OR8K5: variants seen among roughly 807,000 people sequenced by gnomAD.
OR8K5 encodes the protein olfactory receptor 8K5.
For missense variants in OR8K5, 433 were observed against 363.9 expected (o/e 1.19, Z -1.54); for synonymous variants, 154 against 133.7 (o/e 1.15, Z -1.05).
At position 56,159,523 on chromosome 11, in the gene OR8K5, A is replaced by G. The variant is rs61746296; in HGVS notation, c.795T>C (p.Thr265=). 2,091 of 1,613,948 alleles carry G rather than the reference A, an allele frequency of 1.3e-3. 19 individuals carry two copies. The African/African-American group carries it at 0.024, about 19-fold the overall frequency. The change falls in exon 1 of 1, where the codon ACT becomes ACC. Residue 265 remains threonine, a synonymous_variant. Coordinates refer to ENST00000313447, the MANE Select transcript of OR8K5 (RefSeq NM_001004058.2). ...LLFMYMQPNS[T]HFFDTDKMAS... Reference sequence around the variant, plus strand: ...CCATTTTATCAGTATCAAAGAAGTGAGTGGAATTGGGCTGCATGTACATGA... The same window carrying G: ...CCATTTTATCAGTATCAAAGAAGTGGGTGGAATTGGGCTGCATGTACATGA...
rs1854534004 is a variant in OR8K5 at position 56,159,609 on chromosome 11, C to A, written c.709G>T (p.Ala237Ser). Residue 237 changes from alanine (A) to serine (S), a missense_variant, in exon 1 of 1, where the codon GCT (alanine) becomes TCT (serine). Physicochemically the swap from Ala to Ser is moderately conservative, Grantham distance 99. Coordinates refer to ENST00000313447, the MANE Select transcript of OR8K5 (RefSeq NM_001004058.2). ...QMHSAEGRKK[A>S]FSTCGSHLTV... ...AAATGGGAACCACATGTGGAGAAAG[C>A]CTTTTTCCTGCCCTCTGCAGAATGC... 4 of 1,613,958 alleles carry A rather than the reference C, an allele frequency of 2.5e-6. No homozygotes were observed. Among genetic ancestry groups the A allele is most frequent in the South Asian group, 2.2e-5 (2 of 91,082 alleles).
chr11:56,160,156 G>A lies in OR8K5; in HGVS notation c.162C>T (p.His54=), dbSNP rs750129681. ...TMIILTKLDS[H]LHTPMYFSIR... ...TAGAAAAGTACATAGGTGTATGTAA[G>A]TGGGAGTCCAGTTTGGTCAAAATGA... is the stretch of plus-strand genomic sequence containing the variant. The change falls in exon 1 of 1, where the codon CAC becomes CAT. Residue 54 remains histidine (H), a synonymous_variant. Transcript: ENST00000313447. The A allele has an allele frequency of 6.2e-7, 1 of 1,614,148 alleles. No individual in the cohort carries two copies. Among genetic ancestry groups the A allele is most frequent in the South Asian group, 1.1e-5 (1 of 91,084 alleles).
chr11:56,159,520 G>A lies in OR8K5; in HGVS notation c.798C>T (p.His266=). The A allele has an allele frequency of 1.2e-6, 2 of 1,613,932 alleles. No homozygotes were observed. The highest frequency in any genetic ancestry group is 8.5e-7 in the Non-Finnish European group (1 of 1,179,844). ...AAGCCATTTTATCAGTATCAAAGAA[G>A]TGAGTGGAATTGGGCTGCATGTACA... The part of the protein sequence containing the change: ...LFMYMQPNST[H]FFDTDKMASV... The change falls in exon 1 of 1, where the codon CAC becomes CAT. Residue 266 remains histidine (H), a synonymous_variant. Coordinates refer to ENST00000313447, the MANE Select transcript of OR8K5 (RefSeq NM_001004058.2).
At position 56,159,594 on chromosome 11, in the gene OR8K5, C is replaced by T. The variant is rs1469782404; in HGVS notation, c.724G>A (p.Gly242Ser). Residue 242 changes from glycine (G) to serine (S), a missense_variant, in exon 1 of 1, where the codon GGT (glycine) becomes AGT (serine). Physicochemically the swap from Gly to Ser is moderately conservative, Grantham distance 56 (BLOSUM62 0). Transcript: ENST00000313447. ...EGRKKAFSTC[G>S]SHLTVVVVFY... is the part of the protein sequence containing the mutation. ...ACAACCACCACTGTCAAATGGGAAC[C>T]ACATGTGGAGAAAGCCTTTTTCCTG... 6.2e-7 allele frequency: 1 copy of T among 1,614,040 alleles called. No homozygotes were observed. Among genetic ancestry groups the T allele is most frequent in the East Asian group, 2.2e-5 (1 of 44,864 alleles).
Position 56,159,837 on chromosome 11 carries a change from T to C in OR8K5, c.481A>G (p.Ile161Val). Residue 161 changes from isoleucine to valine, a missense_variant, in exon 1 of 1, where the codon ATT (isoleucine) becomes GTT (valine). Transcript: ENST00000313447. ...CAGAAGGTCAATGTAAAAATCTTAA[T>C]AGTGAACATCAGAGCCTGAAATGTG... ...YSTFQALMFT[I>V]KIFTLTFCGS... The C allele has an allele frequency of 3.1e-6, 5 of 1,614,044 alleles. No homozygotes were observed. Among genetic ancestry groups the C allele is most frequent in the Non-Finnish European group, 4.2e-6 (5 of 1,179,938 alleles).
rs374291964 is a variant in OR8K5, at chr11:56,159,657, T to C, written c.661A>G (p.Ile221Val). The part of the protein sequence containing the change: ...FLIVLVSYML[I>V]LLAICQMHSA... Reference sequence around the variant, plus strand: ...TGCATTTGACATATAGCTAACAAAATCAACATGTAGGACACTAAGACTATC... The same window carrying C: ...TGCATTTGACATATAGCTAACAAAACCAACATGTAGGACACTAAGACTATC... The change falls in exon 1 of 1, where the codon ATT becomes GTT. Residue 221 changes from isoleucine to valine, a missense_variant. Ile to Val is a conservative substitution (Grantham distance 29). Coordinates refer to ENST00000313447, the MANE Select transcript of OR8K5 (RefSeq NM_001004058.2). The C allele has an allele frequency of 1.9e-6, 3 of 1,613,798 alleles. No individual in the cohort carries two copies. Among genetic ancestry groups the C allele is most frequent in the Non-Finnish European group, 1.7e-6 (2 of 1,179,810 alleles).
Position 56,160,294 on chromosome 11 carries a change from C to T in OR8K5, c.24G>A (p.Val8=), listed in dbSNP as rs1854543484. The T allele has an allele frequency of 6.2e-7, 1 of 1,613,578 alleles. No individual in the cohort carries two copies. Among genetic ancestry groups the T allele is most frequent in the Non-Finnish European group, 8.5e-7 (1 of 1,179,648 alleles). Residue 8 remains valine (V), a synonymous_variant, in exon 1 of 1, where the codon GTG becomes GTA. Transcript: ENST00000313447. MGQHNLT[V]LTEFILMELT... ...GTTCCATCAGAATGAATTCAGTTAG[C>T]ACTGTTAGATTGTGTTGGCCCATTT... is the stretch of plus-strand genomic sequence containing the variant.
rs114854915 is a variant in OR8K5, at chr11:56,160,171, G to T, written c.147C>A (p.Thr49=). 6.2e-7 allele frequency: 1 copy of T among 1,613,990 alleles called. No individual in the cohort carries two copies. Among genetic ancestry groups the T allele is most frequent in the Non-Finnish European group, 8.5e-7 (1 of 1,179,958 alleles). The change falls in exon 1 of 1, where the codon ACC becomes ACA. Residue 49 remains threonine, a synonymous_variant. Coordinates refer to ENST00000313447, the MANE Select transcript of OR8K5 (RefSeq NM_001004058.2). ...VVGNLTMIIL[T]KLDSHLHTPM... ...GTGTATGTAAGTGGGAGTCCAGTTT[G>T]GTCAAAATGATCATAGTTAGGTTGC...
Position 56,159,843 on chromosome 11 carries a change from A to G in OR8K5, c.475T>C (p.Phe159Leu), listed in dbSNP as rs1854537278. 6.2e-7 allele frequency: 1 copy of G among 1,614,052 alleles called. No individual in the cohort carries two copies. The highest frequency in any genetic ancestry group is 8.5e-7 in the Non-Finnish European group (1 of 1,179,918). ...GTCAATGTAAAAATCTTAATAGTGA[A>G]CATCAGAGCCTGAAATGTGCTGTAG... ...YLYSTFQALM[F>L]TIKIFTLTFC... The change falls in exon 1 of 1, where the codon TTC becomes CTC. Residue 159 changes from phenylalanine (F) to leucine (L), a missense_variant. By Grantham distance (22) the Phe-to-Leu change is conservative. Coordinates refer to ENST00000313447, the MANE Select transcript of OR8K5 (RefSeq NM_001004058.2).
In OR8K5 at chr11:56,160,198, C is replaced by T. The variant is rs1219210824; in HGVS notation, c.120G>A (p.Val40=). The change falls in exon 1 of 1, where the codon GTG becomes GTA. Residue 40 remains valine (V), a synonymous_variant. Coordinates refer to ENST00000313447, the MANE Select transcript of OR8K5 (RefSeq NM_001004058.2). The part of the protein sequence containing the change: ...VFLVIYLITV[V]GNLTMIILTK... ...TCAAAATGATCATAGTTAGGTTGCC[C>T]ACCACTGTGATTAGGTAGATGACGA... is the stretch of plus-strand genomic sequence containing the variant. 1.9e-6 allele frequency: 3 copies of T among 1,613,862 alleles called. No homozygotes were observed. Among genetic ancestry groups the T allele is most frequent in the East Asian group, 2.2e-5 (1 of 44,878 alleles).
Position 56,159,398 on chromosome 11 carries a change from T to G in OR8K5, c.920A>C (p.Asn307Thr). The change falls in exon 1 of 1, where the codon AAT becomes ACT. Residue 307 changes from asparagine (N) to threonine (T), a missense_variant. Asn to Thr is a moderately conservative substitution (Grantham distance 65, BLOSUM62 0). Transcript: ENST00000313447. ...VKNAFYKLFEN is the reference protein window; with the variant it reads ...VKNAFYKLFET ...TTATTAAACACAAAGTTGACATCAA[T>G]TCTCAAAGAGCTTATAGAAGGCATT... is the stretch of plus-strand genomic sequence containing the variant. 1 of 1,532,700 alleles carries G rather than the reference T, an allele frequency of 6.5e-7. No individual in the cohort carries two copies. Among genetic ancestry groups the G allele is most frequent in the Non-Finnish European group, 8.8e-7 (1 of 1,133,918 alleles). 94.9% of individuals were successfully genotyped at this position (1,532,700 alleles called of 1,614,324 possible). A position where few individuals can be genotyped will look rare whatever the true frequency, so the allele number is the denominator to read the frequency against.
In OR8K5 at chr11:56,160,094, G is replaced by T. The variant is rs773201735; in HGVS notation, c.224C>A (p.Thr75Asn). ...TGCCAGCACCTTGGGACAAATGACA[G>T]TAGAATTACCAAGATCAACAAAAGC... ...HLAFVDLGNS[T>N]VICPKVLANF... The change falls in exon 1 of 1, where the codon ACT (threonine) becomes AAT (asparagine). Residue 75 changes from threonine (T) to asparagine (N), a missense_variant. Transcript: ENST00000313447. 8 of 1,613,956 alleles carry T rather than the reference G, an allele frequency of 5.0e-6. No individual in the cohort carries two copies. Among genetic ancestry groups the T allele is most frequent in the Non-Finnish European group, 6.8e-6 (8 of 1,179,808 alleles).
chr11:56,159,960 A>T lies in OR8K5; in HGVS notation c.358T>A (p.Tyr120Asn). The T allele has an allele frequency of 6.2e-7, 1 of 1,614,098 alleles. No homozygotes were observed. Among genetic ancestry groups the T allele is most frequent in the South Asian group, 1.1e-5 (1 of 91,084 alleles). ...SEFFILSAMAYDRYVAICNPL... is the reference protein window; with the variant it reads ...SEFFILSAMANDRYVAICNPL... Reference sequence around the variant, plus strand: ...TTACAAATGGCCACATAGCGGTCATAGGCCATGGCTGACAGGATGAAAAAT... The same window carrying T: ...TTACAAATGGCCACATAGCGGTCATTGGCCATGGCTGACAGGATGAAAAAT... Residue 120 changes from tyrosine (Y) to asparagine (N), a missense_variant, in exon 1 of 1, where the codon TAT becomes AAT. By Grantham distance (143) the Tyr-to-Asn change is moderately radical (BLOSUM62 -2). Coordinates refer to ENST00000313447, the MANE Select transcript of OR8K5 (RefSeq NM_001004058.2).
At position 56,160,221 on chromosome 11, in the gene OR8K5, C is replaced by G. The variant is rs200015077; in HGVS notation, c.97G>C (p.Val33Leu). The G allele has an allele frequency of 2.5e-6, 4 of 1,613,898 alleles. No individual in the cohort carries two copies. The highest frequency in any genetic ancestry group is 3.4e-6 in the Non-Finnish European group (4 of 1,179,854). The part of the protein sequence containing the change: ...LQIPLFGVFL[V>L]IYLITVVGNL... The stretch of plus-strand genomic sequence containing the variant: ...CCCACCACTGTGATTAGGTAGATGA[C>G]GAGGAAGACTCCAAAAAGGGGAATC... The change falls in exon 1 of 1, where the codon GTC becomes CTC. Residue 33 changes from valine (V) to leucine (L), a missense_variant. Coordinates refer to ENST00000313447, the MANE Select transcript of OR8K5 (RefSeq NM_001004058.2).
chr11:56,160,253 T>C lies in OR8K5; in HGVS notation c.65A>G (p.Glu22Gly). 1 of 1,614,116 alleles carries C rather than the reference T, an allele frequency of 6.2e-7. No individual in the cohort carries two copies. The highest frequency in any genetic ancestry group is 2.2e-5 in the East Asian group (1 of 44,882). ...FILMELTRRP[E>G]LQIPLFGVFL... ...GACTCCAAAAAGGGGAATCTGCAGC[T>C]CAGGCCGCCTTGTGAGTTCCATCAG... Residue 22 changes from glutamate (E) to glycine (G), a missense_variant, in exon 1 of 1, where the codon GAG becomes GGG. Coordinates refer to ENST00000313447, the MANE Select transcript of OR8K5 (RefSeq NM_001004058.2).
chr11:56,159,794 C>A lies in OR8K5; in HGVS notation c.524G>T (p.Ser175Ile). The part of the protein sequence containing the change: ...TLTFCGSNVI[S>I]HFYCDDVPLL... ...AGGAACATCATCACAGTAAAAATGA[C>A]TGATGACATTAGAGCCACAGAAGGT... Residue 175 changes from serine to isoleucine, a missense_variant, in exon 1 of 1, where the codon AGT (serine) becomes ATT (isoleucine). Coordinates refer to ENST00000313447, the MANE Select transcript of OR8K5 (RefSeq NM_001004058.2). 1 of 1,613,978 alleles carries A rather than the reference C, an allele frequency of 6.2e-7. No individual in the cohort carries two copies. Among genetic ancestry groups the A allele is most frequent in the Non-Finnish European group, 8.5e-7 (1 of 1,179,946 alleles).
Position 56,159,696 on chromosome 11 carries a change from T to C in OR8K5, c.622A>G (p.Ile208Val). The change falls in exon 1 of 1, where the codon ATC becomes GTC. Residue 208 changes from isoleucine (I) to valine (V), a missense_variant. Ile to Val is a conservative substitution (Grantham distance 29). Coordinates refer to ENST00000313447, the MANE Select transcript of OR8K5 (RefSeq NM_001004058.2). ...LSILFSVFNL[I>V]SSFLIVLVSY... Reference sequence around the variant, plus strand: ...ACTAAGACTATCAGAAAGGAGGAGATCAAATTAAATACAGAAAATAGTATG... The same window carrying C: ...ACTAAGACTATCAGAAAGGAGGAGACCAAATTAAATACAGAAAATAGTATG... The C allele has an allele frequency of 6.2e-7, 1 of 1,613,738 alleles. No homozygotes were observed. The highest frequency in any genetic ancestry group is 8.5e-7 in the Non-Finnish European group (1 of 1,179,728).
rs752069339 is a variant in OR8K5, at chr11:56,159,642, A to G, written c.676T>C (p.Cys226Arg). ...CTGCCCTCTGCAGAATGCATTTGAC[A>G]TATAGCTAACAAAATCAACATGTAG... ...VSYMLILLAI[C>R]QMHSAEGRKK... The change falls in exon 1 of 1, where the codon TGT becomes CGT. Residue 226 changes from cysteine to arginine, a missense_variant. Cys to Arg is a radical substitution (Grantham distance 180, BLOSUM62 -3). Coordinates refer to ENST00000313447, the MANE Select transcript of OR8K5 (RefSeq NM_001004058.2). 6.8e-6 allele frequency: 11 copies of G among 1,613,876 alleles called. No individual in the cohort carries two copies. The highest frequency in any genetic ancestry group is 1.7e-5 in the Admixed American group (1 of 59,984).
Position 56,159,407 on chromosome 11 carries a change from A to G in OR8K5, c.911T>C (p.Leu304Pro). Reference sequence around the variant, plus strand: ...ACAAAGTTGACATCAATTCTCAAAGAGCTTATAGAAGGCATTTTTCACCTC... The same window carrying G: ...ACAAAGTTGACATCAATTCTCAAAGGGCTTATAGAAGGCATTTTTCACCTC... ...NEEVKNAFYK[L>P]FEN The change falls in exon 1 of 1, where the codon CTC (leucine) becomes CCC (proline). Residue 304 changes from leucine (L) to proline (P), a missense_variant. Leu to Pro is a moderately conservative substitution (Grantham distance 98, BLOSUM62 -3). Coordinates refer to ENST00000313447, the MANE Select transcript of OR8K5 (RefSeq NM_001004058.2). The G allele has an allele frequency of 1.3e-6, 2 of 1,569,052 alleles. No homozygotes were observed. Among genetic ancestry groups the G allele is most frequent in the Non-Finnish European group, 1.7e-6 (2 of 1,156,552 alleles).
Sources: gnomAD v4.1 joint callset for allele counts on GRCh38, gnomAD v4.1.1 for gene constraint, MANE v1.5 for transcripts, NCBI Gene and HGNC (gene_info 2026-07-23, HGNC 2026-07-21) for gene names.